RBFOX1: variants seen among roughly 807,000 people sequenced by gnomAD.
RBFOX1 encodes RNA binding fox-1 homolog 1.
In RBFOX1, 8 loss-of-function variants were observed where a neutral mutation model predicts 57.7. The observed-to-expected ratio is 0.14, with a 90% CI of 0.08 to 0.25. RBFOX1 has a LOEUF of 0.25. RBFOX1 is among the 10% of genes least tolerant of loss of function. The pLI, the probability that RBFOX1 is intolerant of heterozygous loss-of-function variation, is 1.00. For synonymous variants in RBFOX1, 326 were observed against 222.4 expected, an observed-to-expected ratio of 1.47 and a Z score of -4.15; for missense variants, 611 against 548.5, an observed-to-expected ratio of 1.11 and a Z score of -1.14.
At chr16:7,255,096 G>T (rs922294835) in intron 4 of RBFOX1, among the ~76,000 whole-genome samples, 5 of 152,088 alleles carry the variant, frequency 3.3e-5, no homozygotes, top group Admixed American at 6.6e-5. Context: ...TATTTAGGGA[G>T]TATCCCCAAT....
At chr16:7,204,913 C>G (rs1603042800) in intron 4 of RBFOX1, among the ~76,000 whole-genome samples, 2 of 152,172 alleles carry the variant, frequency 1.3e-5, no homozygotes, top group Non-Finnish European at 1.5e-5. Flanking sequence ...TTCTATGTCT[C>G]TTGCACTGTC....
chr16:6,214,325 G>T (rs1439602936), intron 1 of RBFOX1, among the ~76,000 whole-genome samples: 1 of 151,430 alleles, frequency 6.6e-6, no homozygotes, highest in South Asian at 2.1e-4. Flanking sequence ...GAAGGAGAGA[G>T]AGAGGGGGAG....
intron 3 of RBFOX1, among the ~76,000 whole-genome samples, chr16:6,715,537 T>C (rs762842215): frequency 5.9e-5 from 9 of 152,196 alleles, no homozygotes; most frequent in Admixed American, 3.3e-4. Flanking sequence ...AACGGAACTT[T>C]ATTGCCTCCA....
chr16:5,541,030 A>G (rs909779381), intron 2 of RBFOX1, among the ~76,000 whole-genome samples: 1 of 151,900 alleles, frequency 6.6e-6, no homozygotes, highest in Non-Finnish European at 1.5e-5. Flanking sequence ...TTGTATTTCT[A>G]GTAGAGATGG....
intron 3 of RBFOX1, among the ~76,000 whole-genome samples, chr16:7,024,563 C>T (rs778543409): frequency 6.6e-6 from 1 of 152,078 alleles, no homozygotes; most frequent in Non-Finnish European, 1.5e-5. Flanking sequence ...ATTGTGTAAA[C>T]ACTGGGGCAG....
At chr16:7,700,710 G>T (rs2080392521) in intron 14 of RBFOX1, among the ~76,000 whole-genome samples, 1 of 152,128 alleles carries the variant, frequency 6.6e-6, no homozygotes, top group Non-Finnish European at 1.5e-5. Flanking sequence ...GTATTCTAGG[G>T]CAGGAGAATT....
chr16:6,861,227 T>C (rs1361291953), intron 3 of RBFOX1, among the ~76,000 whole-genome samples: 3 of 152,174 alleles, frequency 2.0e-5, no homozygotes. Context: ...TCTGTGTGTA[T>C]TTGCATGCTG....
chr16:5,487,782 C>T (rs2042679679), intron 2 of RBFOX1, among the ~76,000 whole-genome samples: 1 of 152,046 alleles, frequency 6.6e-6, no homozygotes. Flanking sequence ...TATGCATTAT[C>T]TCCCTGAAAT....
intron 3 of RBFOX1, among the ~76,000 whole-genome samples, chr16:6,897,728 G>A (rs1023891984): frequency 1.3e-5 from 2 of 152,154 alleles, no homozygotes; most frequent in Non-Finnish European, 1.5e-5. Flanking sequence ...GGGAGGCAGA[G>A]GTTGCAGTGT....
At chr16:6,940,507 T>C (rs918319341) in intron 3 of RBFOX1, among the ~76,000 whole-genome samples, 2 of 152,224 alleles carry the variant, frequency 1.3e-5, no homozygotes, top group Non-Finnish European at 1.5e-5. Flanking sequence ...AAGGGAAGAA[T>C]AATTCTCTAT....
intron 3 of RBFOX1, among the ~76,000 whole-genome samples, chr16:6,659,239 A>G (rs1411364650): frequency 1.5e-4 from 2 of 12,936 alleles, no homozygotes; most frequent in East Asian, 2.4e-3. Flanking sequence ...ACGAGAGCCC[A>G]TTTTATAAAC....
intron 3 of RBFOX1, among the ~76,000 whole-genome samples, chr16:5,679,863 AAAG>A (rs1207273271): frequency 1.3e-5 from 2 of 152,190 alleles, no homozygotes; most frequent in African/African-American, 2.4e-5. Flanking sequence ...GGCTTATATT[AAAG>A]TACAGTTCAT....
chr16:6,318,874 T>C (rs1275746433), intron 2 of RBFOX1, among the ~76,000 whole-genome samples: 1 of 151,876 alleles, frequency 6.6e-6, no homozygotes, highest in Non-Finnish European at 1.5e-5. Context: ...TGTTTATGGG[T>C]ATTGATCCCT....
intron 3 of RBFOX1, among the ~76,000 whole-genome samples, chr16:6,998,921 T>A (rs1378458323): frequency 2.0e-5 from 3 of 150,822 alleles, no homozygotes; most frequent in Non-Finnish European, 4.4e-5. Context: ...CAGGCTGGAG[T>A]GCAGTGGCAC....
intron 4 of RBFOX1, among the ~76,000 whole-genome samples, chr16:7,215,083 G>C (rs1603274213): frequency 6.6e-6 from 1 of 152,052 alleles, no homozygotes; most frequent in Admixed American, 6.6e-5. Flanking sequence ...GACAGGCCCT[G>C]GTGTGTGATG....
At chr16:5,685,698 G>A (rs1031916949) in intron 3 of RBFOX1, among the ~76,000 whole-genome samples, 37 of 152,162 alleles carry the variant, frequency 2.4e-4, no homozygotes, top group Non-Finnish European at 3.5e-4. Context: ...ATCTAAAAAG[G>A]ATATCTCAGG....
At chr16:6,999,805 C>A (rs2092626478) in intron 3 of RBFOX1, among the ~76,000 whole-genome samples, 4 of 152,076 alleles carry the variant, frequency 2.6e-5, no homozygotes, top group Admixed American at 2.6e-4. Flanking sequence ...GGCATGTTGG[C>A]TCATGCCTGT....
At chr16:7,040,618 G>A (rs1033190755) in intron 3 of RBFOX1, among the ~76,000 whole-genome samples, 38 of 152,084 alleles carry the variant, frequency 2.5e-4, no homozygotes, top group Admixed American at 8.5e-4. Flanking sequence ...TTTGTCTGAA[G>A]TTTGTTGTTT....
chr16:5,310,877 A>C (rs910473435), intron 1 of RBFOX1, among the ~76,000 whole-genome samples: 2 of 152,136 alleles, frequency 1.3e-5, no homozygotes, highest in African/African-American at 4.8e-5. Flanking sequence ...TTGGAGTCTA[A>C]GTGGTTTTTG....
Sources: allele counts gnomAD v4.1 joint callset (sites outside exome capture counted in the v4.1 genomes callset), GRCh38; gene constraint gnomAD v4.1.1; transcripts MANE v1.5; gene names NCBI Gene and HGNC (gene_info 2026-07-23, HGNC 2026-07-21).